FNDC3A: variants seen among roughly 807,000 people sequenced by gnomAD.
FNDC3A encodes the protein fibronectin type III domain containing 3A.
Under a neutral mutation model 148.9 loss-of-function variants are expected in FNDC3A, and 32 were observed. The observed-to-expected ratio is 0.21, with a 90% CI of 0.16 to 0.29. FNDC3A has a LOEUF of 0.29. FNDC3A is among the 10% of genes least tolerant of loss of function. The probability of loss-of-function intolerance (pLI) is 1.00; values close to 1 mark genes in which losing one functional copy is unlikely to be tolerated. For missense variants in FNDC3A, 1,191 were observed against 1,452.8 expected, an observed-to-expected ratio of 0.82 and a Z score of 2.93; for synonymous variants, 472 against 473.6, an observed-to-expected ratio of 1.00 and a Z score of 0.04.
At chr13:49,044,648 C>T (rs755600212) in intron 2 of FNDC3A, 71 of 208,452 alleles carry the variant, frequency 3.4e-4, no homozygotes, top group Admixed American at 1.4e-3. Context: ...CCAGCCTGGG[C>T]GACAAAGTGA....
intron 2 of FNDC3A, among the ~76,000 whole-genome samples, chr13:49,054,895 C>A (rs971083737): frequency 4.6e-5 from 7 of 151,938 alleles, no homozygotes; most frequent in Admixed American, 4.6e-4. Context: ...TTTCTATTCA[C>A]TCTACTTTTT....
intron 2 of FNDC3A, among the ~76,000 whole-genome samples, chr13:49,047,242 CAT>C (rs1025890874): frequency 1.3e-5 from 2 of 151,846 alleles, no homozygotes; most frequent in African/African-American, 4.8e-5. Flanking sequence ...GGGCTGGTTA[CAT>C]ATTTTTGCAG....
At chr13:49,155,503 T>G (rs1205340157) in intron 8 of FNDC3A, among the ~76,000 whole-genome samples, 291 of 145,062 alleles carry the variant, frequency 2.0e-3, no homozygotes, top group African/African-American at 6.7e-3. Flanking sequence ...GAAGGGTTTT[T>G]TGTGTCTCTA....
intron 1 of FNDC3A, among the ~76,000 whole-genome samples, chr13:48,989,877 G>A (rs1398538687): frequency 6.6e-6 from 1 of 151,732 alleles, no homozygotes; most frequent in Non-Finnish European, 1.5e-5. Flanking sequence ...TCAGCCTCCC[G>A]AGTAGCTGGG....
intron 20 of FNDC3A, 79 bp downstream of exon 20, chr13:49,197,069 C>T (rs577939405): frequency 1.2e-6 from 1 of 816,940 alleles, no homozygotes; most frequent in East Asian, 2.7e-5. Context: ...AGATACTGTT[C>T]ATTTTTACCG....
chr13:49,104,393 G>A (rs898026530), intron 3 of FNDC3A, among the ~76,000 whole-genome samples: 52 of 152,112 alleles, frequency 3.4e-4, no homozygotes, highest in African/African-American at 1.2e-3. Context: ...GCATGGTGGC[G>A]GGCGCCTGTA....
intron 2 of FNDC3A, among the ~76,000 whole-genome samples, chr13:49,026,091 G>T (rs1404238327): frequency 6.6e-6 from 1 of 152,162 alleles, no homozygotes; most frequent in African/African-American, 2.4e-5. Context: ...CTATATACCA[G>T]TATTTTATTG....
intron 3 of FNDC3A, among the ~76,000 whole-genome samples, chr13:49,083,411 A>G (rs1385703605): frequency 6.6e-6 from 1 of 152,226 alleles, no homozygotes; most frequent in Admixed American, 6.5e-5. Flanking sequence ...TGCAAAAGGG[A>G]AAACAAATGA....
At chr13:49,030,722 A>G (rs1874048915) in intron 2 of FNDC3A, among the ~76,000 whole-genome samples, 1 of 152,236 alleles carries the variant, frequency 6.6e-6, no homozygotes, top group Non-Finnish European at 1.5e-5. Context: ...CGGGCAATGA[A>G]CAATCTGAAA....
chr13:49,054,556 G>T (rs1876087698), intron 2 of FNDC3A, among the ~76,000 whole-genome samples: 1 of 152,206 alleles, frequency 6.6e-6, no homozygotes, highest in African/African-American at 2.4e-5. Context: ...TGTTCTCATA[G>T]TGCATATTTC....
At chr13:49,057,573 T>C (rs1329803710) in intron 2 of FNDC3A, among the ~76,000 whole-genome samples, 4 of 152,204 alleles carry the variant, frequency 2.6e-5, no homozygotes, top group African/African-American at 9.6e-5. Context: ...GTGGGGATGA[T>C]TTTTAGGATA....
At chr13:49,202,711 G>A (rs1488631506) in intron 24 of FNDC3A, among the ~76,000 whole-genome samples, 1 of 152,176 alleles carries the variant, frequency 6.6e-6, no homozygotes, top group East Asian at 1.9e-4. Flanking sequence ...TAAGAAGAGT[G>A]CTGACTATAA....
intron 3 of FNDC3A, among the ~76,000 whole-genome samples, chr13:49,082,391 CAAAA>C (rs58426224): frequency 0.014 from 2,080 of 151,706 alleles, 51 homozygotes; most frequent in African/African-American, 0.046. Flanking sequence ...ATCTCAAAAA[CAAAA>C]AAACCCAACA....
intron 2 of FNDC3A, among the ~76,000 whole-genome samples, chr13:49,013,563 C>T (rs559244083): frequency 8.0e-5 from 12 of 150,942 alleles, no homozygotes; most frequent in South Asian, 4.2e-4. Flanking sequence ...CATATGTACA[C>T]GTGTATACAT....
At chr13:49,124,691 G>A (rs1293050728) in intron 4 of FNDC3A, among the ~76,000 whole-genome samples, 1 of 152,086 alleles carries the variant, frequency 6.6e-6, no homozygotes. Flanking sequence ...TAAGAAATTG[G>A]TGTACTGCAC....
intron 1 of FNDC3A, among the ~76,000 whole-genome samples, chr13:48,996,645 G>A (rs967251694): frequency 1.3e-5 from 2 of 152,120 alleles, no homozygotes; most frequent in Non-Finnish European, 2.9e-5. Context: ...TGGGGATCCT[G>A]GAATCAATCC....
chr13:48,987,846 G>A (rs992072544), intron 1 of FNDC3A: 1 of 152,156 alleles, frequency 6.6e-6, no homozygotes, highest in Admixed American at 6.5e-5. Context: ...TCACTGCCCT[G>A]TATATAAAAA....
chr13:49,030,489 T>C (rs1874029890), intron 2 of FNDC3A, among the ~76,000 whole-genome samples: 1 of 152,240 alleles, frequency 6.6e-6, no homozygotes, highest in South Asian at 2.1e-4. Context: ...TCACCACTTC[T>C]ATTCAACGTT....
chr13:49,049,378 G>T (rs1365532696), intron 2 of FNDC3A, among the ~76,000 whole-genome samples: 2 of 152,070 alleles, frequency 1.3e-5, no homozygotes, highest in Admixed American at 1.3e-4. Context: ...ATGTCAGTAG[G>T]ATTGGTACCA....
Sources: allele counts gnomAD v4.1 joint callset (sites outside exome capture counted in the v4.1 genomes callset), GRCh38; gene constraint gnomAD v4.1.1; transcripts MANE v1.5; gene names NCBI Gene and HGNC (gene_info 2026-07-23, HGNC 2026-07-21).